The following IDUA variants were observed in gnomAD, a reference collection of about 807,000 sequenced individuals.
IDUA encodes iduronidase alpha-L-.
Under a neutral mutation model 68.9 loss-of-function variants are expected in IDUA, and 65 were observed. That is an observed-to-expected ratio of 0.94 (90% confidence interval 0.77 to 1.16). The LOEUF is 1.16. Ranked by LOEUF, IDUA falls within the 50% of genes most tolerant of loss-of-function variation. IDUA has a pLI of 0.00. For missense variants in IDUA, 1,046 were observed against 938.0 expected, an observed-to-expected ratio of 1.12 and a Z score of -1.50; for synonymous variants, 529 against 433.6, an observed-to-expected ratio of 1.22 and a Z score of -2.73.
rs148894462 is a variant in IDUA at position 1,004,057 on chromosome 4, G to A, written c.1773G>A (p.Ala591=). 8.7e-5 allele frequency: 141 copies of A among 1,612,252 alleles called. No homozygotes were observed. Among genetic ancestry groups the A allele is most frequent in the Non-Finnish European group, 4.3e-5 (51 of 1,179,688 alleles). ...YEIQFSQDGK[A]YTPVSRKPST... Reference sequence around the variant, plus strand: ...TCCAGTTCTCTCAGGACGGTAAGGCGTACACCCCGGTCAGCAGGAAGCCAT... The same window carrying A: ...TCCAGTTCTCTCAGGACGGTAAGGCATACACCCCGGTCAGCAGGAAGCCAT... The change falls in exon 13 of 14, where the codon GCG becomes GCA. Residue 591 remains alanine, a synonymous_variant. Transcript: ENST00000514224. The surrounding 1 kb of genome is among the most constrained non-coding windows in gnomAD (Gnocchi z 5.0).
Position 1,002,419 on chromosome 4 carries a change from C to A in IDUA, c.1123C>A (p.Arg375Ser), listed in dbSNP as rs761263557. The A allele has an allele frequency of 1.3e-6, 2 of 1,575,528 alleles. No homozygotes were observed. The highest frequency in any genetic ancestry group is 1.9e-5 in the Admixed American group (1 of 53,526). ...CGCGCGCTTCCAGGTCAACAACACC[C>A]GCCCGCCGCACGTGCAGCTGTTGCG... ...LTARFQVNNT[R>S]PPHVQLLRKP... The change falls in exon 8 of 14, where the codon CGC becomes AGC. Residue 375 changes from arginine (R) to serine (S), a missense_variant. By Grantham distance (110) the Arg-to-Ser change is moderately radical. Transcript: ENST00000514224.
At chr4:1,000,768 C>A (rs1206019776) in intron 3 of IDUA, 71 bp downstream of exon 3, 3 of 1,465,490 alleles carry the variant, frequency 2.0e-6, no homozygotes, top group East Asian at 2.3e-5. Context: ...CCTCACCCAG[C>A]CCCTCTGAGT....
chr4:989,949 A>AG, intron 2 of IDUA: 1 of 1,555,964 alleles, frequency 6.4e-7, no homozygotes. Context: ...CTGGGACCTG[A>AG]GGGGGCATGA....
At chr4:994,477 G>A (rs1189463684) in intron 2 of IDUA, among the ~76,000 whole-genome samples, 1 of 145,842 alleles carries the variant, frequency 6.9e-6, no homozygotes, top group Non-Finnish European at 1.5e-5. Context: ...TCGCTCTGTT[G>A]CCCAGGCTGG....
rs371897203 is a variant in IDUA at position 996,334 on chromosome 4, T to G, written c.300-4278T>G. Among the ~76,000 whole-genome samples the G allele has an allele frequency of 1.8e-3, 275 of 152,182 alleles. 3 individuals carry two copies. Among genetic ancestry groups the G allele is most frequent in the African/African-American group, 6.4e-3 (265 of 41,514 alleles). ...GGAGAACTGGGGAGACCCAGGGGGC[T>G]GGGGTTGTTCCCTCAAGGTCTCCCT... On this transcript the variant is annotated intron_variant, in intron 2 of 13. Coordinates refer to ENST00000514224, the MANE Select transcript of IDUA (RefSeq NM_000203.5).
In IDUA at chr4:987,577, G is replaced by GCAGGGC. The variant is rs943897582; in HGVS notation, c.159-219_159-214dup. 65 of 1,373,982 alleles carry GCAGGGC rather than the reference G, an allele frequency of 4.7e-5. No homozygotes were observed. In the Middle Eastern group the frequency reaches 1.1e-3, roughly 23 times the overall value. 85.1% of individuals were successfully genotyped at this position (1,373,982 alleles called of 1,614,324 possible). On this transcript the variant is annotated intron_variant, in intron 1 of 13. Transcript: ENST00000514224. ...TAGAGCTGAGGTACCCGCCTTCCTGGCAGGGCCAGGGCCAGGGCTGGCGTT... is the reference window on the plus strand; with the variant it reads ...TAGAGCTGAGGTACCCGCCTTCCTGGCAGGGCCAGGGCCAGGGCCAGGGCTGGCGTT...
In IDUA at chr4:1,004,264, A is replaced by C. The variant is rs1296925054; in HGVS notation, c.1833A>C (p.Thr611=). The C allele has an allele frequency of 4.3e-6, 7 of 1,609,962 alleles. No homozygotes were observed. Among genetic ancestry groups the C allele is most frequent in the Non-Finnish European group, 5.9e-6 (7 of 1,179,936 alleles). ...CACATGTCCCCTTGTCTCCAGACAC[A>C]GGTGCTGTCTCTGGCTCCTACCGAG... ...TFNLFVFSPD[T]GAVSGSYRVR... is the part of the protein sequence containing the mutation. Residue 611 remains threonine (T), a synonymous_variant, in exon 14 of 14, where the codon ACA becomes ACC. Transcript: ENST00000514224. This position sits in a 1 kb window ranked among gnomAD's most constrained non-coding sequence, Gnocchi z 5.0.
chr4:1,003,497 C>CG (rs1560550088), intron 11 of IDUA, 27 bp downstream of exon 11: 1 of 1,595,720 alleles, frequency 6.3e-7, no homozygotes, highest in East Asian at 2.3e-5. Context: ...TAACCCGCGC[C>CG]GCGGCCCGGA....
Position 1,001,890 on chromosome 4 carries a change from T to A in IDUA, c.792+9T>A. ...TCTCCCTCCACAGGAAGGTGCGCCC[T>A]GCCCCTCCGTCCGCCCCGGTGTTCT... On this transcript the variant is annotated intron_variant, in intron 6 of 13. Transcript: ENST00000514224. The A allele has an allele frequency of 1.3e-6, 2 of 1,574,270 alleles. No individual in the cohort carries two copies. The highest frequency in any genetic ancestry group is 1.7e-6 in the Non-Finnish European group (2 of 1,161,558).
At chr4:989,483 T>C (rs1241733830) in intron 2 of IDUA, 1 of 1,554,728 alleles carries the variant, frequency 6.4e-7, no homozygotes, top group Non-Finnish European at 8.7e-7. Context: ...CCGGCCTCTG[T>C]GCTGACCAGC....
rs373037758 is a variant in IDUA at position 1,001,856 on chromosome 4, T to C, written c.767T>C (p.Leu256Pro). 15 of 1,594,668 alleles carry C rather than the reference T, an allele frequency of 9.4e-6. No homozygotes were observed. The African/African-American group carries it at 1.5e-4, about 16-fold the overall frequency. The change falls in exon 6 of 14, where the codon CTG becomes CCG. Residue 256 changes from leucine (L) to proline (P), a missense_variant. Physicochemically the swap from Leu to Pro is moderately conservative, Grantham distance 98. Coordinates refer to ENST00000514224, the MANE Select transcript of IDUA (RefSeq NM_000203.5). ...NFFTGEAGVR[L>P]DYISLHRKGA... ...TTCACTGGGGAGGCGGGCGTGCGGC[T>C]GGACTACATCTCCCTCCACAGGAAG...
At chr4:1,001,029 G>T in intron 4 of IDUA, 40 bp downstream of exon 4, 1 of 1,422,190 alleles carries the variant, frequency 7.0e-7, no homozygotes, top group Non-Finnish European at 9.9e-7. Flanking sequence ...CCGGGGCGGG[G>T]GTACTCCTGG....
At chr4:989,249 G>C (rs1476336760) in intron 2 of IDUA, 2 of 1,612,512 alleles carry the variant, frequency 1.2e-6, no homozygotes, top group South Asian at 1.1e-5. Context: ...CCTGCGTCCA[G>C]CCCCGTGAGG....
intron 2 of IDUA, chr4:991,627 C>A (rs766026521): frequency 6.3e-7 from 1 of 1,577,610 alleles, no homozygotes; most frequent in Non-Finnish European, 8.6e-7. Context: ...CTCACGCAGA[C>A]CCCGGGGTGC....
intron 2 of IDUA, among the ~76,000 whole-genome samples, chr4:998,237 C>T (rs1284565398): frequency 6.6e-6 from 1 of 152,162 alleles, no homozygotes; most frequent in Non-Finnish European, 1.5e-5. Flanking sequence ...CGGGGCGGAG[C>T]AGGAGCCCAC....
Position 1,003,655 on chromosome 4 carries a change from C to G in IDUA, c.1727+30C>G, listed in dbSNP as rs1228692737. ...GTGAGTGGGGCCGCCCCTCCCTCTG[C>G]CTGGTCCTAGGCAGGTCCCTGGGTC... On this transcript the variant is annotated intron_variant, in intron 12 of 13. Coordinates refer to ENST00000514224, the MANE Select transcript of IDUA (RefSeq NM_000203.5). The G allele has an allele frequency of 2.5e-6, 4 of 1,610,710 alleles. No homozygotes were observed. In the Admixed American group the frequency reaches 6.7e-5, roughly 27 times the overall value.
rs1715239254 is a variant in IDUA, at chr4:1,003,395, C to T, written c.1575C>T (p.Thr525=). Residue 525 remains threonine, a synonymous_variant, in exon 11 of 14, where the codon ACC becomes ACT. Transcript: ENST00000514224. ...PRPLPAGGRL[T]LRPALRLPSL... ...CCTTACCCGCCGGCGGCCGCCTGAC[C>T]CTGCGCCCCGCGCTGCGGCTGCCGT... 3 of 1,522,356 alleles carry T rather than the reference C, an allele frequency of 2.0e-6. No homozygotes were observed. The highest frequency in any genetic ancestry group is 5.0e-5 in the East Asian group (2 of 39,664). The allele number at this position is 1,522,356 out of a possible 1,614,324, so 94.3% of individuals were successfully genotyped here.
Position 1,003,067 on chromosome 4 carries a change from C to T in IDUA, c.1434C>T (p.Asn478=), listed in dbSNP as rs779159727. The T allele has an allele frequency of 2.0e-6, 3 of 1,520,628 alleles. No homozygotes were observed. The highest frequency in any genetic ancestry group is 2.6e-6 in the Non-Finnish European group (3 of 1,143,036). The allele number at this position is 1,520,628 out of a possible 1,614,324, so 94.2% of individuals were successfully genotyped here. A position where few individuals can be genotyped will look rare whatever the true frequency, so the allele number is the denominator to read the frequency against. The change falls in exon 10 of 14, where the codon AAC becomes AAT. Residue 478 remains asparagine (N), a synonymous_variant. Coordinates refer to ENST00000514224, the MANE Select transcript of IDUA (RefSeq NM_000203.5). ...TCTACGTCACGCGCTACCTGGACAA[C>T]GGGCTCTGCAGCCCCGACGGCGAGT... ...GLVYVTRYLD[N]GLCSPDGEWR...
At chr4:989,392 A>G (rs1451551452) in intron 2 of IDUA, 1 of 1,569,246 alleles carries the variant, frequency 6.4e-7, no homozygotes, top group South Asian at 1.2e-5. Context: ...CGTGTCCCCG[A>G]TGCGGGCCAG....
Sources: allele counts gnomAD v4.1 joint callset (sites outside exome capture counted in the v4.1 genomes callset), GRCh38; gene constraint gnomAD v4.1.1; non-coding constraint Gnocchi (gnomAD v3.1); transcripts MANE v1.5; gene names NCBI Gene and HGNC (gene_info 2026-07-23, HGNC 2026-07-21).